Variants in SPATS2 observed in about 807,000 individuals in gnomAD.
SPATS2 encodes the protein spermatogenesis-associated serine-rich protein 2.
A neutral mutation model predicts 63.7 loss-of-function variants in SPATS2; 38 were observed. The ratio of observed to expected loss-of-function variants is 0.60; its 90% CI spans 0.46 to 0.78. The LOEUF is 0.78. Among genes scored for constraint, SPATS2 ranks in the 30% least tolerant of loss-of-function variants. The pLI, the probability that SPATS2 is intolerant of heterozygous loss-of-function variation, is 0.00. For synonymous variants in SPATS2, 207 were observed against 232.9 expected, an observed-to-expected ratio of 0.89 and a Z score of 1.01; for missense variants, 588 against 666.2, an observed-to-expected ratio of 0.88 and a Z score of 1.29.
chr12:49,423,805 A>G (rs965153125), intron 2 of SPATS2, among the ~76,000 whole-genome samples: 1 of 152,296 alleles, frequency 6.6e-6, no homozygotes, highest in Non-Finnish European at 1.5e-5. Context: ...TGAGAAACCT[A>G]TGATTTATAT....
chr12:49,488,987 G>A (rs894357693), intron 4 of SPATS2, among the ~76,000 whole-genome samples: 1 of 152,196 alleles, frequency 6.6e-6, no homozygotes, highest in South Asian at 2.1e-4. Context: ...TGTTTTATAT[G>A]CCTAACATAG....
intron 3 of SPATS2, among the ~76,000 whole-genome samples, chr12:49,476,632 C>A (rs906175419): frequency 1.3e-5 from 2 of 152,166 alleles, no homozygotes; most frequent in Non-Finnish European, 2.9e-5. Flanking sequence ...GTATGCTCCC[C>A]TAGAGGTTTG....
At chr12:49,488,154 C>T (rs1176752969) in intron 4 of SPATS2, among the ~76,000 whole-genome samples, 1 of 151,948 alleles carries the variant, frequency 6.6e-6, no homozygotes, top group Non-Finnish European at 1.5e-5. Flanking sequence ...AAGTGATTCT[C>T]CTACCTCAGC....
intron 2 of SPATS2, among the ~76,000 whole-genome samples, chr12:49,395,122 C>T (rs1377233111): frequency 6.6e-6 from 1 of 151,856 alleles, no homozygotes. Flanking sequence ...TCTTTTTAAT[C>T]TGGATTCCTT....
chr12:49,466,603 G>A (rs12320273), intron 3 of SPATS2, among the ~76,000 whole-genome samples: 3,350 of 152,276 alleles, frequency 0.022, 43 homozygotes, highest in African/African-American at 0.033. Flanking sequence ...TTGAAAATCA[G>A]TAGACCATGT....
At chr12:49,465,963 T>C (rs919768598) in intron 3 of SPATS2, among the ~76,000 whole-genome samples, 1 of 151,580 alleles carries the variant, frequency 6.6e-6, no homozygotes, top group Non-Finnish European at 1.5e-5. Flanking sequence ...TTCTTAATGG[T>C]GTCTTTTAAA....
chr12:49,454,880 TAAA>T (rs34249831), intron 2 of SPATS2, among the ~76,000 whole-genome samples: 7 of 129,680 alleles, frequency 5.4e-5, no homozygotes, highest in African/African-American at 1.4e-4. Context: ...GCTCTGTCTT[TAAA>T]AAAAAAAAAA....
chr12:49,421,983 G>A (rs771493704), intron 2 of SPATS2, among the ~76,000 whole-genome samples: 4 of 152,100 alleles, frequency 2.6e-5, no homozygotes, highest in Non-Finnish European at 5.9e-5. Context: ...ATATAAATTC[G>A]TTGCAATTCA....
intron 2 of SPATS2, among the ~76,000 whole-genome samples, chr12:49,412,255 C>T (rs902267384): frequency 1.3e-5 from 2 of 151,926 alleles, no homozygotes; most frequent in South Asian, 2.1e-4. Flanking sequence ...AATGCAGTGG[C>T]GCCGTCTTGG....
chr12:49,405,108 G>A lies in SPATS2; in HGVS notation c.-244+33818G>A, dbSNP rs1435658021. Among the ~76,000 whole-genome samples the A allele has an allele frequency of 2.0e-5, 3 of 151,940 alleles. No individual in the cohort carries two copies. In the South Asian group the frequency reaches 6.2e-4, roughly 32 times the overall value. ...TGGTATCTTGCTCTTTACAGAAAAA[G>A]TGTGGCACCTGGTTTAACCCATTAT... is the stretch of plus-strand genomic sequence containing the variant. On this transcript the variant is annotated intron_variant, in intron 2 of 13. Coordinates refer to ENST00000552918, the MANE Select transcript of SPATS2 (RefSeq NM_023071.4).
At chr12:49,414,295 C>G (rs1216413776) in intron 2 of SPATS2, among the ~76,000 whole-genome samples, 2 of 152,158 alleles carry the variant, frequency 1.3e-5, no homozygotes, top group African/African-American at 4.8e-5. Context: ...TCCTATATGG[C>G]TTTTGTGGGA....
intron 2 of SPATS2, among the ~76,000 whole-genome samples, chr12:49,459,549 T>C (rs1253059921): frequency 2.0e-5 from 3 of 151,748 alleles, no homozygotes; most frequent in Non-Finnish European, 4.4e-5. Context: ...GGTTTCTCCA[T>C]GTTGGTCCGG....
chr12:49,391,372 C>T (rs774048892), intron 2 of SPATS2, among the ~76,000 whole-genome samples: 2 of 152,064 alleles, frequency 1.3e-5, no homozygotes, highest in Admixed American at 6.6e-5. Flanking sequence ...ATTAGCTGGT[C>T]GTGGAGGCGT....
rs778318617 is a variant in SPATS2, at chr12:49,461,001, G to A, written c.-12G>A. 14 of 1,613,378 alleles carry A rather than the reference G, an allele frequency of 8.7e-6. No individual in the cohort carries two copies. The highest frequency in any genetic ancestry group is 5.3e-5 in the African/African-American group (4 of 74,898). On this transcript the variant is annotated 5_prime_UTR_variant, in exon 3 of 14. Coordinates refer to ENST00000552918, the MANE Select transcript of SPATS2 (RefSeq NM_023071.4). ...CTTTTCTTGTATATTTTTTGAGATC[G>A]AAGAAACGACAATGTCCAGGAAACA...
chr12:49,460,450 C>T (rs1945802080), intron 2 of SPATS2, among the ~76,000 whole-genome samples: 2 of 150,674 alleles, frequency 1.3e-5, no homozygotes, highest in Non-Finnish European at 2.9e-5. Flanking sequence ...AGCAAGACTT[C>T]ATCTCAAAAA....
intron 2 of SPATS2, chr12:49,454,497 A>C (rs139104910): frequency 3.3e-5 from 5 of 152,358 alleles, no homozygotes; most frequent in African/African-American, 1.2e-4. Flanking sequence ...TTGAATGCAA[A>C]AAACATTCAT....
intron 2 of SPATS2, among the ~76,000 whole-genome samples, chr12:49,444,755 C>T (rs548274609): frequency 6.6e-6 from 1 of 151,988 alleles, no homozygotes; most frequent in African/African-American, 2.4e-5. Context: ...AGGTGCTCGC[C>T]ACCACGCCCA....
intron 3 of SPATS2, among the ~76,000 whole-genome samples, chr12:49,477,470 A>G (rs1307531587): frequency 6.6e-6 from 1 of 152,234 alleles, no homozygotes; most frequent in Non-Finnish European, 1.5e-5. Context: ...GCATTGAAGC[A>G]GATTGACTGG....
At chr12:49,450,134 T>C (rs1945592465) in intron 2 of SPATS2, among the ~76,000 whole-genome samples, 1 of 152,164 alleles carries the variant, frequency 6.6e-6, no homozygotes, top group African/African-American at 2.4e-5. Context: ...TTACTTTCAA[T>C]CTCTCTGTGT....
Sources: gnomAD v4.1 joint callset for allele counts (sites outside exome capture counted in the v4.1 genomes callset) on GRCh38, gnomAD v4.1.1 for gene constraint, MANE v1.5 for transcripts, NCBI Gene and HGNC (gene_info 2026-07-23, HGNC 2026-07-21) for gene names.